The following AGTPBP1 variants were observed in gnomAD, a reference collection of about 807,000 sequenced individuals.
AGTPBP1 encodes cytosolic carboxypeptidase 1.
Under a neutral mutation model 143.9 loss-of-function variants are expected in AGTPBP1, and 70 were observed. That is an observed-to-expected ratio of 0.49 (90% CI 0.40 to 0.59). The LOEUF (loss-of-function observed/expected upper bound fraction) is 0.59. AGTPBP1 is among the 20% of genes least tolerant of loss of function. AGTPBP1 has a pLI of 0.00. For missense variants in AGTPBP1, 1,229 were observed against 1,464.5 expected, an observed-to-expected ratio of 0.84 and a Z score of 2.62; for synonymous variants, 463 against 500.2, an observed-to-expected ratio of 0.93 and a Z score of 0.99.
chr9:85,647,544 C>T (rs372420425), intron 11 of AGTPBP1, among the ~76,000 whole-genome samples: 98 of 151,854 alleles, frequency 6.5e-4, no homozygotes, highest in African/African-American at 2.2e-3. Flanking sequence ...GGAGTAAACA[C>T]GTAATTATAA....
intron 14 of AGTPBP1, among the ~76,000 whole-genome samples, chr9:85,629,513 G>A (rs1183098662): frequency 6.6e-6 from 1 of 152,168 alleles, no homozygotes; most frequent in Non-Finnish European, 1.5e-5. Flanking sequence ...TTACCTGAAA[G>A]GTCAAGCAAG....
At chr9:85,693,023 T>C (rs1173719305) in intron 2 of AGTPBP1, among the ~76,000 whole-genome samples, 1 of 152,230 alleles carries the variant, frequency 6.6e-6, no homozygotes, top group Non-Finnish European at 1.5e-5. Context: ...CACATTCTAT[T>C]TCAGAAAACC....
At position 85,741,780 on chromosome 9, in the gene AGTPBP1, C is replaced by G. The variant is rs1467046219; in HGVS notation, c.-39G>C. On this transcript the variant is annotated 5_prime_UTR_variant, in exon 1 of 26. Coordinates refer to ENST00000357081, the MANE Select transcript of AGTPBP1 (RefSeq NM_001330701.2). ...GACTGCAGCAGGGCGCTCACCGGCT[C>G]AGGATGGGGCGCTGGCGGGGACCGC... 7.4e-7 allele frequency: 1 copy of G among 1,345,684 alleles called. No homozygotes were observed. Among genetic ancestry groups the G allele is most frequent in the African/African-American group, 1.5e-5 (1 of 65,626 alleles). The allele number at this position is 1,345,684 out of a possible 1,614,324, so 83.4% of individuals were successfully genotyped here.
chr9:85,797,044 CA>C, the AGTPBP1 span, among the ~76,000 whole-genome samples: 1 of 152,182 alleles, frequency 6.6e-6, no homozygotes, highest in South Asian at 2.1e-4. Context: ...CTCGGCCTCC[CA>C]AAGTGCTGGG....
intron 2 of AGTPBP1, among the ~76,000 whole-genome samples, chr9:85,704,724 T>G (rs997558914): frequency 1.3e-5 from 2 of 152,106 alleles, no homozygotes; most frequent in Non-Finnish European, 2.9e-5. Context: ...TTACCAGGCA[T>G]GCACAGAAAC....
chr9:85,708,458 A>C (rs564503233), intron 2 of AGTPBP1, among the ~76,000 whole-genome samples: 2 of 152,360 alleles, frequency 1.3e-5, no homozygotes, highest in Admixed American at 1.3e-4. Flanking sequence ...ACAAATTACC[A>C]AAACTCACTC....
intron 14 of AGTPBP1, among the ~76,000 whole-genome samples, chr9:85,628,006 C>T (rs1396917816): frequency 1.3e-5 from 2 of 152,162 alleles, no homozygotes; most frequent in Non-Finnish European, 2.9e-5. Context: ...CCAACCTCTG[C>T]ATTGTTCAAG....
intron 17 of AGTPBP1, among the ~76,000 whole-genome samples, chr9:85,603,423 C>T (rs1179359317): frequency 1.3e-5 from 2 of 152,066 alleles, no homozygotes; most frequent in Non-Finnish European, 2.9e-5. Context: ...AGAAGAGAAC[C>T]CACTGCCTTA....
intron 1 of AGTPBP1, among the ~76,000 whole-genome samples, chr9:85,733,029 T>C (rs916681373): frequency 3.9e-5 from 6 of 152,154 alleles, no homozygotes; most frequent in African/African-American, 1.4e-4. Context: ...GAAATACTTC[T>C]ATAATAAAAG....
At chr9:85,679,098 G>A (rs1478394757) in intron 4 of AGTPBP1, among the ~76,000 whole-genome samples, 1 of 152,134 alleles carries the variant, frequency 6.6e-6, no homozygotes, top group African/African-American at 2.4e-5. Context: ...GTATAGTAAG[G>A]TAAATGCCTA....
At chr9:85,552,540 C>G (rs73649952) in intron 25 of AGTPBP1, among the ~76,000 whole-genome samples, 6,309 of 152,232 alleles carry the variant, frequency 0.041, 453 homozygotes, top group African/African-American at 0.14. Context: ...ACTGTATTCA[C>G]CAGTTGTATG....
intron 1 of AGTPBP1, among the ~76,000 whole-genome samples, chr9:85,730,940 C>A (rs565807554): frequency 6.6e-6 from 1 of 152,288 alleles, no homozygotes; most frequent in Non-Finnish European, 1.5e-5. Flanking sequence ...TCCAACAATT[C>A]TTTAAACTAT....
intron 14 of AGTPBP1, among the ~76,000 whole-genome samples, chr9:85,628,683 T>C (rs537624473): frequency 6.6e-6 from 1 of 152,310 alleles, no homozygotes; most frequent in Admixed American, 6.5e-5. Flanking sequence ...CAAATACAGG[T>C]AACAACAGAG....
At chr9:85,745,682 T>G (rs971830934), upstream of AGTPBP1, among the ~76,000 whole-genome samples, 3 of 152,166 alleles carry the variant, frequency 2.0e-5, no homozygotes, top group African/African-American at 4.8e-5. Context: ...CTGTGAATGA[T>G]ATATAATTCG....
intron 1 of AGTPBP1, among the ~76,000 whole-genome samples, chr9:85,738,684 G>T (rs1406851387): frequency 6.6e-6 from 1 of 152,146 alleles, no homozygotes; most frequent in Non-Finnish European, 1.5e-5. Flanking sequence ...TTTATCAACA[G>T]CTCTCCAGTA....
intron 7 of AGTPBP1, among the ~76,000 whole-genome samples, chr9:85,670,041 T>C (rs1199593323): frequency 6.6e-6 from 1 of 152,212 alleles, no homozygotes; most frequent in Non-Finnish European, 1.5e-5. Context: ...AAGTTCCTAA[T>C]TCAGAGTGAG....
chr9:85,592,620 T>C lies in AGTPBP1; in HGVS notation c.2508A>G (p.Pro836=). 2 of 1,612,448 alleles carry C rather than the reference T, an allele frequency of 1.2e-6. No homozygotes were observed. The highest frequency in any genetic ancestry group is 1.7e-6 in the Non-Finnish European group (2 of 1,179,300). ...CAAAGTAGCAAACATCATCTTTATGTGGAAAATTGACAGTAAATGTAATTG... is the reference window on the plus strand; with the variant it reads ...CAAAGTAGCAAACATCATCTTTATGCGGAAAATTGACAGTAAATGTAATTG... The part of the protein sequence containing the change: ...YYTITFTVNF[P]HKDDVCYFAY... Residue 836 remains proline (P), a synonymous_variant, in exon 19 of 26, where the codon CCA becomes CCG. Transcript: ENST00000357081.
chr9:85,652,219 T>C (rs1404695740), intron 11 of AGTPBP1, among the ~76,000 whole-genome samples: 1 of 152,026 alleles, frequency 6.6e-6, no homozygotes, highest in Non-Finnish European at 1.5e-5. Context: ...GTATAAAAGC[T>C]CAGAGTTTTG....
At chr9:85,618,111 G>A (rs754739419) in intron 17 of AGTPBP1, among the ~76,000 whole-genome samples, 8 of 151,776 alleles carry the variant, frequency 5.3e-5, no homozygotes, top group East Asian at 1.9e-4. Flanking sequence ...GTGGTGGCAC[G>A]CACCTGTAGT....
Sources: allele counts gnomAD v4.1 joint callset (sites outside exome capture counted in the v4.1 genomes callset), GRCh38; gene constraint gnomAD v4.1.1; transcripts MANE v1.5; gene names NCBI Gene and HGNC (gene_info 2026-07-23, HGNC 2026-07-21).